ROS1: variants seen among roughly 807,000 people sequenced by gnomAD.
ROS1 encodes ROS proto-oncogene 1, receptor tyrosine kinase, also known as proto-oncogene tyrosine-protein kinase ROS.
In ROS1, 263 loss-of-function variants were observed where a neutral mutation model predicts 273.5. The ratio of observed to expected loss-of-function variants is 0.96; its 90% CI spans 0.87 to 1.06. The LOEUF (loss-of-function observed/expected upper bound fraction) is 1.06, where lower values mean the gene tolerates loss of function less well. Among genes scored for constraint, ROS1 ranks in the 50% least tolerant of loss-of-function variants. The pLI, the probability that ROS1 is intolerant of heterozygous loss-of-function variation, is 0.00. For synonymous variants in ROS1, 1,008 were observed against 954.1 expected, an observed-to-expected ratio of 1.06 and a Z score of -1.04; for missense variants, 2,833 against 2,751.1, an observed-to-expected ratio of 1.03 and a Z score of -0.67.
At chr6:117,338,942 C>T (rs922913164) in intron 31 of ROS1, among the ~76,000 whole-genome samples, 5 of 152,026 alleles carry the variant, frequency 3.3e-5, no homozygotes, top group African/African-American at 1.2e-4. Flanking sequence ...TATGGTTCTG[C>T]TAGGGATTTG....
chr6:117,297,476 G>T (rs1004933792), intron 43 of ROS1, among the ~76,000 whole-genome samples: 2 of 151,894 alleles, frequency 1.3e-5, no homozygotes, highest in African/African-American at 4.8e-5. Flanking sequence ...ACTCAACAGG[G>T]GTCTAATATC....
At chr6:117,388,683 A>G (rs1331450455) in intron 13 of ROS1, among the ~76,000 whole-genome samples, 6 of 152,208 alleles carry the variant, frequency 3.9e-5, no homozygotes, top group Non-Finnish European at 7.3e-5. Context: ...CACAAAGTAA[A>G]TAAAAATATT....
intron 17 of ROS1, 22 bp downstream of exon 17, chr6:117,383,295 A>C: frequency 6.3e-7 from 1 of 1,580,140 alleles, no homozygotes; most frequent in Non-Finnish European, 8.7e-7. Context: ...TTACTAAATG[A>C]TCAGATCTTT....
intron 2 of ROS1, among the ~76,000 whole-genome samples, chr6:117,416,674 G>A (rs1270545081): frequency 6.6e-6 from 1 of 152,086 alleles, no homozygotes; most frequent in East Asian, 1.9e-4. Context: ...GTATATCCTG[G>A]GTCCCTAAGG....
At position 117,326,388 on chromosome 6, in the gene ROS1, T is replaced by C. The variant is rs2128582285; in HGVS notation, c.5375A>G (p.Asn1792Ser). 1 of 1,558,294 alleles carries C rather than the reference T, an allele frequency of 6.4e-7. No homozygotes were observed. Among genetic ancestry groups the C allele is most frequent in the Non-Finnish European group, 8.6e-7 (1 of 1,160,460 alleles). The change falls in exon 34 of 44, where the codon AAC becomes AGC. Residue 1792 changes from asparagine (N) to serine (S), a missense_variant. Asn to Ser is a conservative substitution (Grantham distance 46). Transcript: ENST00000368507. ...IRKSTSNNLQ[N>S]QNLRWKMTFN... is the part of the protein sequence containing the mutation. ...TGTCATCTTCCACCTTAAATTCTGG[T>C]TCTGTAAATTATTTGAAGTGCTCTT...
intron 5 of ROS1, among the ~76,000 whole-genome samples, chr6:117,406,172 T>TAC (rs979682881): frequency 9.9e-5 from 15 of 152,014 alleles, no homozygotes; most frequent in African/African-American, 2.2e-4. Flanking sequence ...TATATATATA[T>TAC]ACACACACAC....
chr6:117,353,670 A>G (rs986460669), intron 26 of ROS1, among the ~76,000 whole-genome samples: 3 of 152,254 alleles, frequency 2.0e-5, no homozygotes, highest in African/African-American at 7.2e-5. Flanking sequence ...CTTGAAATTC[A>G]AAAATATCAT....
At chr6:117,362,383 CA>C (rs1403804220) in intron 22 of ROS1, among the ~76,000 whole-genome samples, 1 of 152,044 alleles carries the variant, frequency 6.6e-6, no homozygotes, top group African/African-American at 2.4e-5. Context: ...TATTAATCCT[CA>C]AAAGGTCCAC....
rs2128616895 is a variant in ROS1 at position 117,337,227 on chromosome 6, C to A, written c.5175G>T (p.Val1725=). The part of the protein sequence containing the change: ...PYTSYNVRVV[V]VYKTGENSTS... The stretch of plus-strand genomic sequence containing the variant: ...TGCTATTTTCTCCCGTCTTATAAAC[C>A]ACCACTACTCTGACATTATATGAAG... The change falls in exon 32 of 44, where the codon GTG becomes GTT. Residue 1725 remains valine, a synonymous_variant. Transcript: ENST00000368507. 6.2e-7 allele frequency: 1 copy of A among 1,612,494 alleles called. No homozygotes were observed. The highest frequency in any genetic ancestry group is 8.5e-7 in the Non-Finnish European group (1 of 1,179,090).
At chr6:117,388,940 T>TACCCACCCAC (rs1772822755) in intron 13 of ROS1, among the ~76,000 whole-genome samples, 1 of 152,164 alleles carries the variant, frequency 6.6e-6, no homozygotes, top group Non-Finnish European at 1.5e-5. Flanking sequence ...CCCACCTGCT[T>TACCCACCCAC]ACCCACCCAC....
chr6:117,383,590 A>G (rs1358390682), intron 16 of ROS1, 82 bp from the exon 17 acceptor site: 4 of 1,067,046 alleles, frequency 3.7e-6, no homozygotes, highest in Non-Finnish European at 4.3e-6. Context: ...TCATTAATAA[A>G]TTGCTTGATT....
In ROS1 at chr6:117,394,530, A is replaced by G. The variant is rs533069494; in HGVS notation, c.1006+86T>C. On this transcript the variant is annotated intron_variant, in intron 10 of 43. Transcript: ENST00000368507. ...TATTAAGAGAATATGTTCCAGAAATATTCAAAAATTTTCTTTTATTCTAGA... is the reference window on the plus strand; with the variant it reads ...TATTAAGAGAATATGTTCCAGAAATGTTCAAAAATTTTCTTTTATTCTAGA... 2.6e-6 allele frequency: 3 copies of G among 1,169,258 alleles called. No individual in the cohort carries two copies. The East Asian group carries it at 8.0e-5, about 31-fold the overall frequency. 72.4% of individuals were successfully genotyped at this position (1,169,258 alleles called of 1,614,324 possible).
intron 22 of ROS1, among the ~76,000 whole-genome samples, chr6:117,361,087 T>C (rs1416180232): frequency 6.6e-6 from 1 of 152,114 alleles, no homozygotes. Context: ...TAAAGGTAAG[T>C]AACTCATGCA....
chr6:117,293,690 A>G (rs1773999486), intron 43 of ROS1, among the ~76,000 whole-genome samples: 4 of 152,200 alleles, frequency 2.6e-5, no homozygotes. Flanking sequence ...AAAAATAGAA[A>G]GGAATCAGAA....
chr6:117,394,665 T>A lies in ROS1; in HGVS notation c.957A>T (p.Val319=). The change falls in exon 10 of 44, where the codon GTA becomes GTT. Residue 319 remains valine, a synonymous_variant. Coordinates refer to ENST00000368507, the MANE Select transcript of ROS1 (RefSeq NM_001378902.1). ...SLRKRSLKHL[V]DEAHCLRLDA... Reference sequence around the variant, plus strand: ...CCAACCGAAGGCAATGTGCTTCATCTACTAAATGTTTTAAAGATCTCTTTC... The same window carrying A: ...CCAACCGAAGGCAATGTGCTTCATCAACTAAATGTTTTAAAGATCTCTTTC... 1 of 1,611,698 alleles carries A rather than the reference T, an allele frequency of 6.2e-7. No individual in the cohort carries two copies. The highest frequency in any genetic ancestry group is 8.5e-7 in the Non-Finnish European group (1 of 1,178,294).
chr6:117,339,836 G>C lies in ROS1; in HGVS notation c.5061+1299C>G, dbSNP rs187367906. Among the ~76,000 whole-genome samples, 6 of 152,160 alleles carry C rather than the reference G, an allele frequency of 3.9e-5. No individual in the cohort carries two copies. The East Asian group carries it at 1.2e-3, about 29-fold the overall frequency. ...TCCCCAAACTTGAAAGAGTGGGATG[G>C]ATGACTTAATGACTCCTATTCCTTC... On this transcript the variant is annotated intron_variant, in intron 31 of 43. Transcript: ENST00000368507.
chr6:117,317,419 G>C, intron 38 of ROS1, 147 bp from the exon 39 acceptor site: 1 of 881,080 alleles, frequency 1.1e-6, no homozygotes, highest in Non-Finnish European at 1.7e-6. Context: ...TCCAACTCCT[G>C]GTCTTTGTGC....
chr6:117,401,802 G>GT (rs1452355508), intron 7 of ROS1, among the ~76,000 whole-genome samples: 12 of 31,376 alleles, frequency 3.8e-4, no homozygotes, highest in African/African-American at 7.3e-4. Context: ...AAACTTTTCA[G>GT]TAAAAAAAAA....
At chr6:117,338,676 G>T (rs1038862080) in intron 31 of ROS1, among the ~76,000 whole-genome samples, 8 of 152,106 alleles carry the variant, frequency 5.3e-5, no homozygotes, top group African/African-American at 1.9e-4. Context: ...AATGTCAGGA[G>T]ATGTTTGACC....
Sources: allele counts gnomAD v4.1 joint callset (sites outside exome capture counted in the v4.1 genomes callset), GRCh38; gene constraint gnomAD v4.1.1; transcripts MANE v1.5; gene names NCBI Gene and HGNC (gene_info 2026-07-23, HGNC 2026-07-21).